HEXIM1: variants seen among roughly 807,000 people sequenced by gnomAD.
HEXIM1 encodes protein HEXIM1.
In HEXIM1, 1 loss-of-function variant was observed where a neutral mutation model predicts 30.3. That is an observed-to-expected ratio of 0.03 (90% CI 0.01 to 0.16). HEXIM1 has a LOEUF of 0.16. Ranked by LOEUF, HEXIM1 falls within the 10% of genes least tolerant of loss-of-function variation. The pLI is 1.00. For synonymous variants in HEXIM1, 245 were observed against 208.3 expected (o/e 1.18, Z -1.52); for missense variants, 391 against 476.4 (o/e 0.82, Z 1.67).
rs1334550094 is a variant in HEXIM1 at position 45,149,967 on chromosome 17, C to T, written c.777C>T (p.Gly259=). 2 of 1,613,878 alleles carry T rather than the reference C, an allele frequency of 1.2e-6. No individual in the cohort carries two copies. Among genetic ancestry groups the T allele is most frequent in the African/African-American group, 2.7e-5 (2 of 74,914 alleles). The part of the protein sequence containing the change: ...DGGSDGMGGD[G]SEFLQRDFSE... ...GCAGCGATGGGATGGGAGGGGACGG[C>T]AGCGAGTTTCTGCAGCGGGACTTCT... The change falls in exon 1 of 1, where the codon GGC becomes GGT. Residue 259 remains glycine (G), a synonymous_variant. Transcript: ENST00000332499. This position sits in a 1 kb window ranked among gnomAD's most constrained non-coding sequence, Gnocchi z 5.3.
At position 45,148,533 on chromosome 17, in the gene HEXIM1, C is replaced by G; in HGVS notation, c.-658C>G. On this transcript the variant is annotated 5_prime_UTR_variant, in exon 1 of 1. Transcript: ENST00000332499. Reference sequence around the variant, plus strand: ...TGGGAGGGAAAGTCGGGGGAGGACGCGGAAGAGGAGCTGTGGGAAGGGGGA... The same window carrying G: ...TGGGAGGGAAAGTCGGGGGAGGACGGGGAAGAGGAGCTGTGGGAAGGGGGA... The G allele has an allele frequency of 5.6e-6, 2 of 355,892 alleles. No individual in the cohort carries two copies. The highest frequency in any genetic ancestry group is 9.5e-6 in the Non-Finnish European group (2 of 211,106). 22.0% of individuals were successfully genotyped at this position (355,892 alleles called of 1,614,324 possible).
At position 45,149,378 on chromosome 17, in the gene HEXIM1, G is replaced by GGGAAGGGAGCCT; in HGVS notation, c.193_204dup (p.Gly65_Glu68dup). The stretch of plus-strand genomic sequence containing the variant: ...TTGGGTGGCCGTCCGGGGCCGGAGG[G>GGGAAGGGAGCCT]GGAAGGGAGCCTGGAATCCCAACCA... On this transcript the variant is annotated inframe_insertion, in exon 1 of 1. Coordinates refer to ENST00000332499, the MANE Select transcript of HEXIM1 (RefSeq NM_006460.3). The surrounding 1 kb of genome is among the most constrained non-coding windows in gnomAD (Gnocchi z 5.3). 6.2e-7 allele frequency: 1 copy of GGGAAGGGAGCCT among 1,613,452 alleles called. No individual in the cohort carries two copies. The highest frequency in any genetic ancestry group is 8.5e-7 in the Non-Finnish European group (1 of 1,179,932).
At position 45,151,122 on chromosome 17, in the gene HEXIM1, C is replaced by A. The variant is rs575387924; in HGVS notation, c.*852C>A. 3.0e-5 allele frequency: 5 copies of A among 167,124 alleles called. No individual in the cohort carries two copies. Among genetic ancestry groups the A allele is most frequent in the African/African-American group, 1.2e-4 (5 of 41,544 alleles). The allele number at this position is 167,124 out of a possible 1,614,324, so 10.4% of individuals were successfully genotyped here. ...GGTTTTCAGTAATCTCTTCCTTCCCCCCAGTAAGGCTGGAAGAGGCTCTTG... is the reference window on the plus strand; with the variant it reads ...GGTTTTCAGTAATCTCTTCCTTCCCACCAGTAAGGCTGGAAGAGGCTCTTG... On this transcript the variant is annotated 3_prime_UTR_variant, in exon 1 of 1. Transcript: ENST00000332499.
In HEXIM1 at chr17:45,149,313, C is replaced by G. The variant is rs781344787; in HGVS notation, c.123C>G (p.Pro41=). ...ERPPGAEERV[P]EEDSRWQSRA... is the part of the protein sequence containing the mutation. ...CCCCAGGCGCGGAGGAGCGGGTGCC[C>G]GAGGAGGACAGTAGGTGGCAATCGA... is the stretch of plus-strand genomic sequence containing the variant. Residue 41 remains proline, a synonymous_variant, in exon 1 of 1, where the codon CCC becomes CCG. Coordinates refer to ENST00000332499, the MANE Select transcript of HEXIM1 (RefSeq NM_006460.3). The surrounding 1 kb of genome is among the most constrained non-coding windows in gnomAD (Gnocchi z 5.3). 2.5e-6 allele frequency: 4 copies of G among 1,613,618 alleles called. No homozygotes were observed. The highest frequency in any genetic ancestry group is 2.2e-5 in the South Asian group (2 of 91,082).
rs1242333364 is a variant in HEXIM1, at chr17:45,148,678, G to C, written c.-513G>C. On this transcript the variant is annotated 5_prime_UTR_variant, in exon 1 of 1. Coordinates refer to ENST00000332499, the MANE Select transcript of HEXIM1 (RefSeq NM_006460.3). ...GGCTACGGCCGGGCCTAGGGAACTG[G>C]GAGCTTGGGTGGAAGCGACACCCGT... 2.5e-6 allele frequency: 1 copy of C among 401,290 alleles called. No homozygotes were observed. The highest frequency in any genetic ancestry group is 4.4e-6 in the Non-Finnish European group (1 of 227,744). 24.9% of individuals were successfully genotyped at this position (401,290 alleles called of 1,614,324 possible). A position where few individuals can be genotyped will look rare whatever the true frequency, so the allele number is the denominator to read the frequency against.
rs1217944259 is a variant in HEXIM1 at position 45,148,749 on chromosome 17, C to G, written c.-442C>G. 1 of 402,078 alleles carries G rather than the reference C, an allele frequency of 2.5e-6. No individual in the cohort carries two copies. Among genetic ancestry groups the G allele is most frequent in the Non-Finnish European group, 4.4e-6 (1 of 227,844 alleles). 24.9% of individuals were successfully genotyped at this position (402,078 alleles called of 1,614,324 possible). A position where few individuals can be genotyped will look rare whatever the true frequency, so the allele number is the denominator to read the frequency against. ...CCGGGACTTTAACCCCTTGTGGGCT[C>G]TGCGGCAGGGGATTTAACCCTTTGT... is the stretch of plus-strand genomic sequence containing the variant. On this transcript the variant is annotated 5_prime_UTR_variant, in exon 1 of 1. Transcript: ENST00000332499.
chr17:45,148,512 A>AG lies in HEXIM1; in HGVS notation c.-676dup, dbSNP rs1463638764. On this transcript the variant is annotated 5_prime_UTR_variant, in exon 1 of 1. Coordinates refer to ENST00000332499, the MANE Select transcript of HEXIM1 (RefSeq NM_006460.3). Reference sequence around the variant, plus strand: ...TTGGCAGGTGGAGAGGCAGGTTGGGAGGGAAAGTCGGGGGAGGACGCGGAA... The same window carrying AG: ...TTGGCAGGTGGAGAGGCAGGTTGGGAGGGGAAAGTCGGGGGAGGACGCGGAA... 1 of 354,006 alleles carries AG rather than the reference A, an allele frequency of 2.8e-6. No homozygotes were observed. Among genetic ancestry groups the AG allele is most frequent in the South Asian group, 1.5e-4 (1 of 6,632 alleles). 21.9% of individuals were successfully genotyped at this position (354,006 alleles called of 1,614,324 possible). A position where few individuals can be genotyped will look rare whatever the true frequency, so the allele number is the denominator to read the frequency against.
chr17:45,149,529 C>T lies in HEXIM1; in HGVS notation c.339C>T (p.Pro113=). The change falls in exon 1 of 1, where the codon CCC becomes CCT. Residue 113 remains proline (P), a synonymous_variant. Coordinates refer to ENST00000332499, the MANE Select transcript of HEXIM1 (RefSeq NM_006460.3). This position sits in a 1 kb window ranked among gnomAD's most constrained non-coding sequence, Gnocchi z 5.3. The part of the protein sequence containing the change: ...FPPPAEVEPT[P]EAELLAQPCH... ...CGCCGGCAGAAGTGGAACCGACGCC[C>T]GAGGCCGAGCTGCTCGCCCAGCCTT... The T allele has an allele frequency of 6.2e-7, 1 of 1,606,630 alleles. No homozygotes were observed. The highest frequency in any genetic ancestry group is 8.5e-7 in the Non-Finnish European group (1 of 1,177,126).
In HEXIM1 at chr17:45,148,499, G is replaced by A. The variant is rs186108762; in HGVS notation, c.-692G>A. On this transcript the variant is annotated 5_prime_UTR_variant, in exon 1 of 1. Transcript: ENST00000332499. ...CAGCAGTTGGAAGTTGGCAGGTGGA[G>A]AGGCAGGTTGGGAGGGAAAGTCGGG... is the stretch of plus-strand genomic sequence containing the variant. 1.8e-5 allele frequency: 7 copies of A among 398,828 alleles called. No homozygotes were observed. Among genetic ancestry groups the A allele is most frequent in the East Asian group, 3.6e-5 (1 of 28,080 alleles). 24.7% of individuals were successfully genotyped at this position (398,828 alleles called of 1,614,324 possible).
In HEXIM1 at chr17:45,150,478, TTTC is replaced by T. The variant is rs1313743922; in HGVS notation, c.*211_*213del. On this transcript the variant is annotated 3_prime_UTR_variant, in exon 1 of 1. Transcript: ENST00000332499. The stretch of plus-strand genomic sequence containing the variant: ...AATTATGTGAAACTGAAGAGTTGCT[TTTC>T]TTGTTTTCCTTTTTAGAAGTTTTTT... 1 of 544,482 alleles carries T rather than the reference TTTC, an allele frequency of 1.8e-6. No homozygotes were observed. Among genetic ancestry groups the T allele is most frequent in the African/African-American group, 1.9e-5 (1 of 51,884 alleles). 33.7% of individuals were successfully genotyped at this position (544,482 alleles called of 1,614,324 possible).
In HEXIM1 at chr17:45,149,635, G is replaced by C. The variant is rs755618582; in HGVS notation, c.445G>C (p.Gly149Arg). 3.1e-6 allele frequency: 5 copies of C among 1,612,938 alleles called. No individual in the cohort carries two copies. Among genetic ancestry groups the C allele is most frequent in the Non-Finnish European group, 4.2e-6 (5 of 1,179,912 alleles). Residue 149 changes from glycine (G) to arginine (R), a missense_variant, in exon 1 of 1, where the codon GGG (glycine) becomes CGG (arginine). Physicochemically the swap from Gly to Arg is moderately radical, Grantham distance 125. Transcript: ENST00000332499. This position sits in a 1 kb window ranked among gnomAD's most constrained non-coding sequence, Gnocchi z 5.3. ...GTGGGGACAGCAGCAGAGACAGCTG[G>C]GGAAGAAAAAACATAGGAGACGCCC... ...EEWGQQQRQL[G>R]KKKHRRRPSK...
chr17:45,149,545 G>A lies in HEXIM1; in HGVS notation c.355G>A (p.Ala119Thr), dbSNP rs774768886. Residue 119 changes from alanine (A) to threonine (T), a missense_variant, in exon 1 of 1, where the codon GCC becomes ACC. By Grantham distance (58) the Ala-to-Thr change is moderately conservative. This residue lies in a region of HEXIM1 where 230 missense variants were observed against 199.4 expected (regional missense o/e 1.15). Transcript: ENST00000332499. This position sits in a 1 kb window ranked among gnomAD's most constrained non-coding sequence, Gnocchi z 5.3. ...VEPTPEAELLAQPCHDSEASK... is the reference protein window; with the variant it reads ...VEPTPEAELLTQPCHDSEASK... ...ACCGACGCCCGAGGCCGAGCTGCTC[G>A]CCCAGCCTTGTCATGACTCCGAGGC... is the stretch of plus-strand genomic sequence containing the variant. 1.9e-6 allele frequency: 3 copies of A among 1,606,480 alleles called. No individual in the cohort carries two copies. Among genetic ancestry groups the A allele is most frequent in the South Asian group, 1.1e-5 (1 of 90,610 alleles).
At position 45,150,249 on chromosome 17, in the gene HEXIM1, G is replaced by A; in HGVS notation, c.1059G>A (p.Pro353=). ...NELHRQQERA[P]LSKFGD ...TGCACCGGCAGCAGGAGCGAGCGCC[G>A]CTTTCCAAGTTTGGAGACTAGACTG... Residue 353 remains proline, a synonymous_variant, in exon 1 of 1, where the codon CCG becomes CCA. Coordinates refer to ENST00000332499, the MANE Select transcript of HEXIM1 (RefSeq NM_006460.3). 1.2e-6 allele frequency: 2 copies of A among 1,608,648 alleles called. No individual in the cohort carries two copies. The highest frequency in any genetic ancestry group is 2.2e-5 in the East Asian group (1 of 44,756).
At position 45,149,119 on chromosome 17, in the gene HEXIM1, T is replaced by TTTA. The variant is rs1221230244; in HGVS notation, c.-72_-71insTTA. 2.1e-6 allele frequency: 3 copies of TTTA among 1,430,764 alleles called. No homozygotes were observed. The highest frequency in any genetic ancestry group is 2.8e-6 in the Non-Finnish European group (3 of 1,065,728). 88.6% of individuals were successfully genotyped at this position (1,430,764 alleles called of 1,614,324 possible). On this transcript the variant is annotated 5_prime_UTR_variant, in exon 1 of 1. Coordinates refer to ENST00000332499, the MANE Select transcript of HEXIM1 (RefSeq NM_006460.3). This position sits in a 1 kb window ranked among gnomAD's most constrained non-coding sequence, Gnocchi z 5.3. ...GTTTTTTTTTTCTTTTTCTTTTTTT[T>TTTA]AAGAAAAACCCATTTTTTTCCTTAA...
chr17:45,148,826 C>T lies in HEXIM1; in HGVS notation c.-365C>T, dbSNP rs1274461065. 2.5e-6 allele frequency: 1 copy of T among 405,400 alleles called. No homozygotes were observed. 25.1% of individuals were successfully genotyped at this position (405,400 alleles called of 1,614,324 possible). ...ATCGGTAGTTTTAACCCCTTCGGGG[C>T]TGGGTTTCACGCACTGGACTTACCC... On this transcript the variant is annotated 5_prime_UTR_variant, in exon 1 of 1. Coordinates refer to ENST00000332499, the MANE Select transcript of HEXIM1 (RefSeq NM_006460.3).
rs779140718 is a variant in HEXIM1 at position 45,150,177 on chromosome 17, G to A, written c.987G>A (p.Leu329=). ...DARVRELELE[L]DRLRAENLQL... is the part of the protein sequence containing the mutation. ...GTGTGCGGGAGCTGGAGCTGGAGCTGGACCGGCTGCGCGCCGAGAACCTCC... is the reference window on the plus strand; with the variant it reads ...GTGTGCGGGAGCTGGAGCTGGAGCTAGACCGGCTGCGCGCCGAGAACCTCC... The change falls in exon 1 of 1, where the codon CTG becomes CTA. Residue 329 remains leucine (L), a synonymous_variant. Coordinates refer to ENST00000332499, the MANE Select transcript of HEXIM1 (RefSeq NM_006460.3). 8.7e-6 allele frequency: 14 copies of A among 1,613,082 alleles called. No individual in the cohort carries two copies. In the African/African-American group the frequency reaches 1.7e-4, roughly 20 times the overall value.
rs1338554428 is a variant in HEXIM1, at chr17:45,149,094, GT to G, written c.-87del. 2.8e-4 allele frequency: 299 copies of G among 1,071,506 alleles called. No individual in the cohort carries two copies. Among genetic ancestry groups the G allele is most frequent in the South Asian group, 3.6e-4 (21 of 57,696 alleles). 66.4% of individuals were successfully genotyped at this position (1,071,506 alleles called of 1,614,324 possible). The stretch of plus-strand genomic sequence containing the variant: ...AAACTGAAGAGGACTCTGTTGGACT[GT>G]TTTTTTTTTCTTTTTCTTTTTTTTA... On this transcript the variant is annotated 5_prime_UTR_variant, in exon 1 of 1. Coordinates refer to ENST00000332499, the MANE Select transcript of HEXIM1 (RefSeq NM_006460.3). This position sits in a 1 kb window ranked among gnomAD's most constrained non-coding sequence, Gnocchi z 5.3.
chr17:45,151,189 G>C lies in HEXIM1; in HGVS notation c.*919G>C, dbSNP rs1002566249. ...AAGCAATGGTTAGATTAATTTGTGA[G>C]GCAGCTCTTTAAGACGTTCAGAGGT... is the stretch of plus-strand genomic sequence containing the variant. On this transcript the variant is annotated 3_prime_UTR_variant, in exon 1 of 1. Transcript: ENST00000332499. The C allele has an allele frequency of 2.2e-4, 36 of 167,006 alleles. No homozygotes were observed. Among genetic ancestry groups the C allele is most frequent in the African/African-American group, 8.2e-4 (34 of 41,418 alleles). 10.3% of individuals were successfully genotyped at this position (167,006 alleles called of 1,614,324 possible).
At position 45,150,338 on chromosome 17, in the gene HEXIM1, A is replaced by G. The variant is rs1230458944; in HGVS notation, c.*68A>G. 7.8e-6 allele frequency: 12 copies of G among 1,533,264 alleles called. No individual in the cohort carries two copies. The highest frequency in any genetic ancestry group is 1.1e-5 in the Non-Finnish European group (12 of 1,132,484). The allele number at this position is 1,533,264 out of a possible 1,614,324, so 95.0% of individuals were successfully genotyped here. ...AGTGATGGAATGTAACATTATATAC[A>G]TGTGTATATAAGACAGTGGACCTTT... On this transcript the variant is annotated 3_prime_UTR_variant, in exon 1 of 1. Coordinates refer to ENST00000332499, the MANE Select transcript of HEXIM1 (RefSeq NM_006460.3).
Sources: allele counts gnomAD v4.1 joint callset, GRCh38; gene constraint gnomAD v4.1.1; regional missense constraint gnomAD v4.1.1; non-coding constraint Gnocchi (gnomAD v3.1); transcripts MANE v1.5; gene names NCBI Gene and HGNC (gene_info 2026-07-23, HGNC 2026-07-21).